Variants in NMNAT3 observed in about 807,000 individuals in gnomAD.
NMNAT3 encodes the protein nicotinamide nucleotide adenylyltransferase 3, also known as nicotinamide/nicotinic acid mononucleotide adenylyltransferase 3.
Under a neutral mutation model 24.8 loss-of-function variants are expected in NMNAT3, and 21 were observed. The ratio of observed to expected loss-of-function variants is 0.85; its 90% CI spans 0.60 to 1.22. The LOEUF is 1.22. Ranked by LOEUF, NMNAT3 falls within the 50% of genes most tolerant of loss-of-function variation. The pLI, the probability that NMNAT3 is intolerant of heterozygous loss-of-function variation, is 0.00. For missense variants in NMNAT3, 387 were observed against 436.6 expected (o/e 0.89, Z 1.01); for synonymous variants, 136 against 155.2 (o/e 0.88, Z 0.92).
intron 2 of NMNAT3, chr3:139,634,887 A>G (rs187769012): frequency 6.6e-6 from 1 of 152,328 alleles, no homozygotes; most frequent in Admixed American, 6.5e-5. Flanking sequence ...ACTGTGCTAA[A>G]AACTTCACAC....
intron 2 of NMNAT3, among the ~76,000 whole-genome samples, 173 bp from the exon 4 acceptor site, chr3:139,627,937 A>G (rs1391097715): frequency 1.3e-5 from 2 of 152,230 alleles, no homozygotes; most frequent in Non-Finnish European, 2.9e-5. Context: ...GCCAAGTGCT[A>G]TGCCAAGGCG....
At chr3:139,613,999 AG>A (rs1171148223) in intron 3 of NMNAT3, among the ~76,000 whole-genome samples, 3 of 147,354 alleles carry the variant, frequency 2.0e-5, no homozygotes. Context: ...GGGTGGGGGA[AG>A]GGGGGAGGGA....
chr3:139,575,754 G>GTC, intron 5 of NMNAT3: 2 of 1,120,682 alleles, frequency 1.8e-6, no homozygotes, highest in Admixed American at 8.8e-5. Context: ...TGGTACCTTG[G>GTC]GCCTGTGGAT....
intron 1 of NMNAT3, among the ~76,000 whole-genome samples, chr3:139,646,126 T>C (rs1276848560): frequency 6.6e-6 from 1 of 152,218 alleles, no homozygotes; most frequent in Admixed American, 6.5e-5. Context: ...AACTTTTCAT[T>C]GAATGCTCTT....
chr3:139,579,234 G>A (rs958284767), intron 4 of NMNAT3, among the ~76,000 whole-genome samples, 179 bp from the exon 5 acceptor site: 1 of 152,180 alleles, frequency 6.6e-6, no homozygotes, highest in African/African-American at 2.4e-5. Context: ...CACTACCTTA[G>A]TGAACATGTG....
At chr3:139,575,350 A>T (rs1939140921) in intron 5 of NMNAT3, among the ~76,000 whole-genome samples, 1 of 152,116 alleles carries the variant, frequency 6.6e-6, no homozygotes, top group Non-Finnish European at 1.5e-5. Context: ...TCACCCTTGG[A>T]TTGGCATGGG....
At chr3:139,602,710 C>T (rs569649662) in intron 3 of NMNAT3, among the ~76,000 whole-genome samples, 2 of 152,292 alleles carry the variant, frequency 1.3e-5, no homozygotes, top group African/African-American at 4.8e-5. Context: ...CCAACGTAAA[C>T]AAGGGCTACT....
chr3:139,597,112 C>T (rs1336301209), intron 3 of NMNAT3, among the ~76,000 whole-genome samples: 4 of 151,806 alleles, frequency 2.6e-5, no homozygotes, highest in African/African-American at 9.7e-5. Flanking sequence ...AGTAACACCA[C>T]CTGCAAGTAA....
intron 6 of NMNAT3, among the ~76,000 whole-genome samples, chr3:139,572,644 G>A (rs1412634691): frequency 2.0e-5 from 3 of 152,150 alleles, no homozygotes; most frequent in Non-Finnish European, 4.4e-5. Flanking sequence ...GCATTTCCAA[G>A]TCTTTTTAGA....
chr3:139,586,649 G>A (rs1292337959), intron 3 of NMNAT3, among the ~76,000 whole-genome samples: 1 of 152,200 alleles, frequency 6.6e-6, no homozygotes, highest in African/African-American at 2.4e-5. Context: ...GGTAATGCTT[G>A]TGAAGGTTAA....
chr3:139,642,783 G>A lies in NMNAT3; in HGVS notation c.-140-4721C>T, dbSNP rs1243655867. On this transcript the variant is annotated intron_variant, in intron 1 of 6. Transcript: ENST00000643695. ...TCCTGACTCCCCCTCTTCAGAGGGT[G>A]AGGAAGCCCTGCTTTTCCTGCATTA... 2.0e-5 allele frequency among the ~76,000 whole-genome samples: 3 copies of A among 152,126 alleles called. No individual in the cohort carries two copies. In the East Asian group the frequency reaches 5.8e-4, roughly 29 times the overall value.
intron 5 of NMNAT3, chr3:139,576,123 T>C (rs1939270493): frequency 8.2e-7 from 1 of 1,223,686 alleles, no homozygotes; most frequent in Non-Finnish European, 1.0e-6. Context: ...GTCACTATGA[T>C]GCAGATTCAC....
intron 6 of NMNAT3, chr3:139,568,629 C>A (rs1190007107): frequency 5.3e-5 from 8 of 152,124 alleles, no homozygotes; most frequent in Non-Finnish European, 1.0e-4. Context: ...CAGGTTGTTC[C>A]GTTTCCATGT....
chr3:139,561,677 G>A (rs1178738932), intron 6 of NMNAT3, among the ~76,000 whole-genome samples: 1 of 152,148 alleles, frequency 6.6e-6, no homozygotes, highest in Non-Finnish European at 1.5e-5. Flanking sequence ...TCTGTCTGTG[G>A]TTGCTTTGGA....
At chr3:139,655,217 G>C (rs751904448) in intron 1 of NMNAT3, among the ~76,000 whole-genome samples, 1 of 152,202 alleles carries the variant, frequency 6.6e-6, no homozygotes, top group Non-Finnish European at 1.5e-5. Context: ...GCGCCAGCCT[G>C]CCAAGGGCCT....
intron 3 of NMNAT3, among the ~76,000 whole-genome samples, chr3:139,615,381 G>A (rs540671567): frequency 1.3e-5 from 2 of 151,896 alleles, no homozygotes; most frequent in East Asian, 1.9e-4. Context: ...CTAAGATAGC[G>A]TTGTATGTGT....
At chr3:139,649,754 A>G (rs975982194) in intron 1 of NMNAT3, among the ~76,000 whole-genome samples, 1 of 152,152 alleles carries the variant, frequency 6.6e-6, no homozygotes. Context: ...CCCAAAACAC[A>G]CCCAAACCAC....
At chr3:139,625,057 T>C (rs1331476117) in intron 3 of NMNAT3, among the ~76,000 whole-genome samples, 1 of 152,242 alleles carries the variant, frequency 6.6e-6, no homozygotes, top group East Asian at 1.9e-4. Context: ...TTACTTCTGC[T>C]TAAAGAATTA....
chr3:139,616,983 GTC>G (rs1171137744), intron 3 of NMNAT3, among the ~76,000 whole-genome samples: 2 of 152,168 alleles, frequency 1.3e-5, no homozygotes, highest in African/African-American at 4.8e-5. Context: ...CCAATACAGA[GTC>G]TTTGCATATG....
Sources: gnomAD v4.1 joint callset for allele counts (sites outside exome capture counted in the v4.1 genomes callset) on GRCh38, gnomAD v4.1.1 for gene constraint, MANE v1.5 for transcripts, NCBI Gene and HGNC (gene_info 2026-07-23, HGNC 2026-07-21) for gene names.